The following C12orf42 variants were observed in gnomAD, a reference collection of about 807,000 sequenced individuals.
C12orf42 encodes chromosome 12 open reading frame 42.
Under a neutral mutation model 21.6 loss-of-function variants are expected in C12orf42, and 25 were observed. The ratio of observed to expected loss-of-function variants is 1.16; its 90% CI spans 0.84 to 1.62. The LOEUF is 1.62. Among genes scored for constraint, C12orf42 ranks in the 40% most tolerant of loss-of-function variants. The pLI is 0.00. For synonymous variants in C12orf42, 174 were observed against 175.0 expected (o/e 0.99, Z 0.05); for missense variants, 483 against 459.3 (o/e 1.05, Z -0.47).
chr12:103,509,131 G>A, the C12orf42 span, among the ~76,000 whole-genome samples: 4 of 152,250 alleles, frequency 2.6e-5, no homozygotes, highest in Non-Finnish European at 5.9e-5. Context: ...AATAATGCTT[G>A]TAAAGTGTTC....
chr12:103,069,666 C>T, the C12orf42 span, among the ~76,000 whole-genome samples: 93 of 152,294 alleles, frequency 6.1e-4, no homozygotes, highest in African/African-American at 2.1e-3. Flanking sequence ...GTCAAGCCTT[C>T]GTAAGTCAGG....
chr12:103,182,261 A>G, the C12orf42 span, among the ~76,000 whole-genome samples: 2 of 152,300 alleles, frequency 1.3e-5, no homozygotes, highest in East Asian at 1.9e-4. Flanking sequence ...TAAAATATAT[A>G]CCAGAGCCAT....
chr12:103,229,730 A>G, the C12orf42 span, among the ~76,000 whole-genome samples: 230 of 152,184 alleles, frequency 1.5e-3, 1 homozygote, highest in Non-Finnish European at 1.3e-3. Flanking sequence ...TAAATTGAAT[A>G]ATTCTATATC....
At chr12:103,545,994 T>C in the C12orf42 span, among the ~76,000 whole-genome samples, 2 of 152,368 alleles carry the variant, frequency 1.3e-5, no homozygotes, top group Non-Finnish European at 2.9e-5. Flanking sequence ...TTGAGCACTT[T>C]CTATATTTCA....
At chr12:103,286,939 C>CA (rs34697864) in intron 4 of C12orf42, among the ~76,000 whole-genome samples, 47,775 of 134,060 alleles carry the variant, frequency 0.36, 8,377 homozygotes, top group East Asian at 0.52. Flanking sequence ...GACTCCGTCT[C>CA]AAAAAAAAAA....
chr12:103,203,292 T>C, the C12orf42 span, among the ~76,000 whole-genome samples: 202 of 152,348 alleles, frequency 1.3e-3, 2 homozygotes, highest in African/African-American at 4.8e-3. Flanking sequence ...TCATAGGGCA[T>C]GTTATCACAG....
At chr12:103,278,052 A>G (rs185577441) in intron 4 of C12orf42, among the ~76,000 whole-genome samples, 214 of 152,364 alleles carry the variant, frequency 1.4e-3, no homozygotes, top group Non-Finnish European at 2.3e-3. Context: ...AATATATTAA[A>G]AAAAGGAATT....
intron 10 of C12orf42, among the ~76,000 whole-genome samples, chr12:103,262,855 T>C (rs562512927): frequency 1.3e-5 from 2 of 152,310 alleles, no homozygotes; most frequent in African/African-American, 4.8e-5. Context: ...CATGCACACG[T>C]ATGTTTATTG....
the C12orf42 span, among the ~76,000 whole-genome samples, chr12:103,158,203 T>C: frequency 2.0e-5 from 3 of 152,190 alleles, no homozygotes; most frequent in Admixed American, 6.5e-5. Flanking sequence ...TGTTATTTTC[T>C]TGCAGATGGG....
downstream of C12orf42, among the ~76,000 whole-genome samples, chr12:103,298,602 C>T (rs2136428189): frequency 6.6e-6 from 1 of 152,294 alleles, no homozygotes; most frequent in Middle Eastern, 3.4e-3. Flanking sequence ...TTGGAAAAAA[C>T]TACCATAATC....
the C12orf42 span, among the ~76,000 whole-genome samples, chr12:103,091,413 A>G: frequency 6.6e-6 from 1 of 151,890 alleles, no homozygotes; most frequent in Non-Finnish European, 1.5e-5. Flanking sequence ...ACAAGAACAA[A>G]CATTTTCTTG....
intron 10 of C12orf42, among the ~76,000 whole-genome samples, chr12:103,253,824 G>GT (rs2034425102): frequency 3.7e-5 from 5 of 135,024 alleles, no homozygotes; most frequent in Admixed American, 7.5e-5. Flanking sequence ...CTTTTTAATG[G>GT]GTTTTTTTTT....
chr12:103,345,956 T>C (rs2042586157), intron 4 of C12orf42, among the ~76,000 whole-genome samples: 2 of 152,342 alleles, frequency 1.3e-5, no homozygotes, highest in East Asian at 3.9e-4. Context: ...TGCACAGTTA[T>C]AATTCTTCAA....
the C12orf42 span, among the ~76,000 whole-genome samples, chr12:103,519,254 A>G: frequency 6.6e-6 from 1 of 152,140 alleles, no homozygotes; most frequent in Non-Finnish European, 1.5e-5. Context: ...ACCTTTATAA[A>G]TCACCCAATC....
the C12orf42 span, among the ~76,000 whole-genome samples, chr12:103,560,183 C>T: frequency 1.2e-4 from 18 of 152,308 alleles, no homozygotes; most frequent in East Asian, 3.3e-3. Flanking sequence ...TGGGAAACTA[C>T]AAGGTTGACT....
At chr12:103,049,041 T>C in the C12orf42 span, among the ~76,000 whole-genome samples, 1 of 152,232 alleles carries the variant, frequency 6.6e-6, no homozygotes, top group Non-Finnish European at 1.5e-5. Flanking sequence ...ATTCTCCTGA[T>C]GATTTCATCC....
chr12:103,181,805 A>G, the C12orf42 span, among the ~76,000 whole-genome samples: 41,498 of 151,822 alleles, frequency 0.27, 6,656 homozygotes, highest in Non-Finnish European at 0.37. Flanking sequence ...ACTCATCTAT[A>G]ATCTACACCT....
chr12:103,184,721 C>G, the C12orf42 span, among the ~76,000 whole-genome samples: 1 of 115,812 alleles, frequency 8.6e-6, no homozygotes, highest in Non-Finnish European at 1.9e-5. Context: ...ACCCCCCCCC[C>G]CCCAAATATA....
At chr12:103,336,858 C>A (rs1341060068) in intron 4 of C12orf42, among the ~76,000 whole-genome samples, 1 of 152,092 alleles carries the variant, frequency 6.6e-6, no homozygotes, top group Non-Finnish European at 1.5e-5. Context: ...TCCTTTTGCT[C>A]CCCACCCTGA....
Sources: gnomAD v4.1 joint callset for allele counts (sites outside exome capture counted in the v4.1 genomes callset) on GRCh38, gnomAD v4.1.1 for gene constraint, MANE v1.5 for transcripts, NCBI Gene and HGNC (gene_info 2026-07-23, HGNC 2026-07-21) for gene names.